CSF2RA: variants seen among roughly 807,000 people sequenced by gnomAD.
CSF2RA encodes the protein granulocyte-macrophage colony-stimulating factor receptor subunit alpha.
A neutral mutation model predicts 51.6 loss-of-function variants in CSF2RA; 42 were observed. The observed-to-expected ratio is 0.81, with a 90% CI of 0.64 to 1.05. The LOEUF (loss-of-function observed/expected upper bound fraction) is 1.05. Among genes scored for constraint, CSF2RA ranks in the 50% least tolerant of loss-of-function variants. The probability of loss-of-function intolerance (pLI) is 0.00; values close to 1 mark genes in which losing one functional copy is unlikely to be tolerated. For missense variants in CSF2RA, 530 were observed against 501.1 expected (o/e 1.06, Z -0.55); for synonymous variants, 222 against 193.0 (o/e 1.15, Z -1.24).
chrX:1,300,378 A>G, intron 9 of CSF2RA, 113 bp from the exon 10 acceptor site: 2 of 1,341,388 alleles, frequency 1.5e-6, no homozygotes, highest in Non-Finnish European at 2.1e-6. Flanking sequence ...AAAAAAGAAG[A>G]AAAAGAAAAA....
At chrX:1,308,367 G>T (rs1294640245) in intron 12 of CSF2RA, among the ~76,000 whole-genome samples, 1 of 152,112 alleles carries the variant, frequency 6.6e-6, no homozygotes, top group Admixed American at 6.6e-5. Flanking sequence ...GTGGAAGAAG[G>T]TGAGAGGGGG....
chrX:1,303,417 T>A (rs2083214402), intron 10 of CSF2RA: 1 of 413,216 alleles, frequency 2.4e-6, no homozygotes, highest in Admixed American at 4.1e-5. Flanking sequence ...GTATTTTTTT[T>A]TTAGCAGAGA....
the CSF2RA span, among the ~76,000 whole-genome samples, chrX:1,323,982 C>G: frequency 0.41 from 61,554 of 151,184 alleles, 13,772 homozygotes; most frequent in Middle Eastern, 0.55. Context: ...CCACTGCATT[C>G]CAGCCTGGAC....
downstream of CSF2RA, among the ~76,000 whole-genome samples, chrX:1,314,478 ACC>A (rs2084388403): frequency 7.2e-6 from 1 of 138,970 alleles, no homozygotes; most frequent in African/African-American, 2.9e-5. Flanking sequence ...ACCCCAATGC[ACC>A]TACCCAACCC....
chrX:1,284,195 C>CTTTTTTT (rs752104115), intron 3 of CSF2RA, among the ~76,000 whole-genome samples: 5 of 91,750 alleles, frequency 5.4e-5, no homozygotes, highest in African/African-American at 1.6e-4. Flanking sequence ...CTCTGTCTCT[C>CTTTTTTT]TTTTTTTTTT....
At chrX:1,284,707 C>G (rs2090441969) in intron 3 of CSF2RA, among the ~76,000 whole-genome samples, 1 of 147,148 alleles carries the variant, frequency 6.8e-6, no homozygotes, top group Non-Finnish European at 1.5e-5. Flanking sequence ...CTCTGTCTCC[C>G]AGGCTGGAGT....
the CSF2RA span, among the ~76,000 whole-genome samples, chrX:1,316,986 G>GCCCA: frequency 1.3e-5 from 2 of 151,904 alleles, no homozygotes; most frequent in Non-Finnish European, 2.9e-5. Flanking sequence ...TCACTCTGTC[G>GCCCA]CCCAGGCTGG....
At chrX:1,305,956 C>T (rs1448243608) in intron 12 of CSF2RA, 4 of 638,946 alleles carry the variant, frequency 6.3e-6, no homozygotes, top group East Asian at 2.8e-5. Context: ...GTGGTGTACG[C>T]CTGAAATCCC....
chrX:1,288,564 C>T lies in CSF2RA; in HGVS notation c.265C>T (p.His89Tyr), dbSNP rs1167685530. The change falls in exon 5 of 13, where the codon CAT becomes TAT. Residue 89 changes from histidine to tyrosine, a missense_variant. Physicochemically the swap from His to Tyr is moderately conservative, Grantham distance 83 (BLOSUM62 2). Coordinates refer to ENST00000381529, the MANE Select transcript of CSF2RA (RefSeq NM_172245.4). Reference protein sequence around the residue: ...CSCTFREICLHEGVTFEVHVN... With the variant: ...CSCTFREICLYEGVTFEVHVN... ...GTGCACATTTCGTGAAATTTGTCTGCATGAAGGAGTCACATTTGAGGTTCA... is the reference window on the plus strand; with the variant it reads ...GTGCACATTTCGTGAAATTTGTCTGTATGAAGGAGTCACATTTGAGGTTCA... 1 of 1,613,920 alleles carries T rather than the reference C, an allele frequency of 6.2e-7. No homozygotes were observed.
chrX:1,317,995 TC>T, the CSF2RA span, among the ~76,000 whole-genome samples: 1 of 150,800 alleles, frequency 6.6e-6, no homozygotes, highest in South Asian at 2.1e-4. Flanking sequence ...TCTTTTTTTT[TC>T]TTTTTTTTGT....
chrX:1,294,223 C>T (rs1456088487), intron 7 of CSF2RA, 105 bp from the exon 8 acceptor site: 4 of 1,443,250 alleles, frequency 2.8e-6, no homozygotes, highest in Non-Finnish European at 3.9e-6. Flanking sequence ...TCCACCTCCA[C>T]CTGGACCCAG....
the CSF2RA span, among the ~76,000 whole-genome samples, chrX:1,323,070 A>C: frequency 6.6e-6 from 1 of 151,808 alleles, no homozygotes. Flanking sequence ...TGGAGGTTGC[A>C]GTGAGCCGAG....
chrX:1,286,125 A>C (rs1358642368), intron 4 of CSF2RA, among the ~76,000 whole-genome samples: 3 of 151,236 alleles, frequency 2.0e-5, no homozygotes, highest in African/African-American at 7.3e-5. Context: ...ATACAAAATT[A>C]GCCGGGCGTG....
the CSF2RA span, among the ~76,000 whole-genome samples, chrX:1,317,510 C>T: frequency 6.6e-6 from 1 of 151,114 alleles, no homozygotes; most frequent in Admixed American, 6.6e-5. Context: ...CTCGGCCTCC[C>T]AAAGTCCTGG....
intron 9 of CSF2RA, among the ~76,000 whole-genome samples, chrX:1,295,863 T>C (rs2091894835): frequency 1.6e-5 from 2 of 121,302 alleles, no homozygotes; most frequent in Admixed American, 7.6e-5. Flanking sequence ...TCACCACACC[T>C]AATGTAACTC....
intron 9 of CSF2RA, among the ~76,000 whole-genome samples, chrX:1,295,792 C>A (rs1387634393): frequency 1.3e-5 from 2 of 150,674 alleles, no homozygotes; most frequent in African/African-American, 4.9e-5. Flanking sequence ...CACCTGGACC[C>A]CGTGTAGACA....
chrX:1,283,648 A>C (rs1276274339), intron 3 of CSF2RA, among the ~76,000 whole-genome samples: 2 of 150,630 alleles, frequency 1.3e-5, no homozygotes, highest in African/African-American at 2.4e-5. Context: ...GCTCACTGCA[A>C]ACTCAGCCTC....
the CSF2RA span, among the ~76,000 whole-genome samples, chrX:1,318,915 T>TG: frequency 2.1e-5 from 2 of 97,442 alleles, no homozygotes; most frequent in Non-Finnish European, 4.2e-5. Context: ...AGACTCCATC[T>TG]CAAAAAAAAA....
At chrX:1,294,227 G>A in intron 7 of CSF2RA, 101 bp from the exon 8 acceptor site, 1 of 1,455,928 alleles carries the variant, frequency 6.9e-7, no homozygotes, top group Non-Finnish European at 9.6e-7. Flanking sequence ...CCTCCACCTG[G>A]ACCCAGTGTA....
Sources: allele counts gnomAD v4.1 joint callset (sites outside exome capture counted in the v4.1 genomes callset), GRCh38; gene constraint gnomAD v4.1.1; transcripts MANE v1.5; gene names NCBI Gene and HGNC (gene_info 2026-07-23, HGNC 2026-07-21).